Variants in PCDHGB1 observed in about 807,000 individuals in gnomAD.
The protein encoded by PCDHGB1 is protocadherin gamma-B1.
A neutral mutation model predicts 56.6 loss-of-function variants in PCDHGB1; 34 were observed. The ratio of observed to expected loss-of-function variants is 0.60; its 90% confidence interval spans 0.46 to 0.80. PCDHGB1 has a LOEUF of 0.80. PCDHGB1 is among the 30% of genes least tolerant of loss of function. The pLI is 0.00. For synonymous variants in PCDHGB1, 561 were observed against 505.9 expected (o/e 1.11, Z -1.46); for missense variants, 1,278 against 1,204.6 (o/e 1.06, Z -0.90).
intron 1 of PCDHGB1, among the ~76,000 whole-genome samples, chr5:141,462,030 T>C (rs1283795051): frequency 3.9e-5 from 6 of 152,122 alleles, no homozygotes; most frequent in Non-Finnish European, 8.8e-5. Flanking sequence ...TTCATGTTGG[T>C]CAGGCGGGTC....
At chr5:141,398,293 T>A in intron 1 of PCDHGB1, 1 of 1,383,344 alleles carries the variant, frequency 7.2e-7, no homozygotes, top group Non-Finnish European at 9.9e-7. Flanking sequence ...GGACCTGGGG[T>A]TCAGCGTCCA....
chr5:141,421,426 A>G, intron 1 of PCDHGB1: 2 of 1,614,104 alleles, frequency 1.2e-6, no homozygotes, highest in South Asian at 1.1e-5. Context: ...CGGAGTCCGC[A>G]TCGTCTCCAG....
rs1360494290 is a variant in PCDHGB1 at position 141,433,285 on chromosome 5, C to T, written c.2410-61522C>T. On this transcript the variant is annotated intron_variant, in intron 1 of 3. Coordinates refer to ENST00000523390, the MANE Select transcript of PCDHGB1 (RefSeq NM_018922.3). ...CATAGCTCACTGCAGCCTCAAACTCCTAGGCTCAAGCAATTATCCCACCTT... is the reference window on the plus strand; with the variant it reads ...CATAGCTCACTGCAGCCTCAAACTCTTAGGCTCAAGCAATTATCCCACCTT... The T allele has an allele frequency of 6.8e-6, 8 of 1,169,708 alleles. No individual in the cohort carries two copies. In the East Asian group the frequency reaches 1.7e-4, roughly 25 times the overall value. The allele number at this position is 1,169,708 out of a possible 1,614,324, so 72.5% of individuals were successfully genotyped here. A position where few individuals can be genotyped will look rare whatever the true frequency, so the allele number is the denominator to read the frequency against.
At chr5:141,373,938 A>G (rs553053363) in intron 1 of PCDHGB1, 2 of 705,416 alleles carry the variant, frequency 2.8e-6, no homozygotes, top group Admixed American at 3.6e-5. Context: ...AAAGCAGGAA[A>G]GCTGTGCAGA....
rs535002528 is a variant in PCDHGB1 at position 141,396,788 on chromosome 5, T to C, written c.2409+44119T>C. On this transcript the variant is annotated intron_variant, in intron 1 of 3. Transcript: ENST00000523390. ...GTTTGTTATTAATGAAAAGGACATT[T>C]CCTAAGGATTGTGTAGTGTTCTACT... Among the ~76,000 whole-genome samples, 53 of 152,322 alleles carry C rather than the reference T, an allele frequency of 3.5e-4. 2 individuals are homozygous for C. Among genetic ancestry groups the C allele is most frequent in the Admixed American group, 3.3e-3 (50 of 15,300 alleles).
At chr5:141,408,885 T>G in intron 1 of PCDHGB1, 1 of 1,613,020 alleles carries the variant, frequency 6.2e-7, no homozygotes, top group Middle Eastern at 1.6e-4. Context: ...ACCGCTCACA[T>G]AGAAATTTCT....
chr5:141,426,643 T>C (rs1280631056), intron 1 of PCDHGB1: 1 of 411,758 alleles, frequency 2.4e-6, no homozygotes, highest in Non-Finnish European at 5.0e-6. Flanking sequence ...CACATAAATG[T>C]GATGATAGAA....
At chr5:141,352,791 AC>A in intron 1 of PCDHGB1, 122 bp downstream of exon 1, 1 of 1,005,990 alleles carries the variant, frequency 9.9e-7, no homozygotes, top group Non-Finnish European at 1.4e-6. Context: ...GGAGTTTGAG[AC>A]CAGCATAGCC....
At chr5:141,509,216 T>C (rs2099875781) in intron 3 of PCDHGB1, among the ~76,000 whole-genome samples, 1 of 152,124 alleles carries the variant, frequency 6.6e-6, no homozygotes, top group South Asian at 2.1e-4. Flanking sequence ...TATTTCTCAA[T>C]CCCTGGTTGA....
chr5:141,385,588 A>G (rs1290476871), intron 1 of PCDHGB1: 11 of 1,258,860 alleles, frequency 8.7e-6, no homozygotes, highest in East Asian at 3.3e-5. Context: ...CTATGTTCCA[A>G]CCTACTTTCT....
chr5:141,393,730 G>C lies in PCDHGB1; in HGVS notation c.2409+41061G>C, dbSNP rs546435108. On this transcript the variant is annotated intron_variant, in intron 1 of 3. Transcript: ENST00000523390. The stretch of plus-strand genomic sequence containing the variant: ...ACTGGGGAAATATCAATAGCAAAAA[G>C]TCTAGATTATGAAGAATGTTCATTT... 3 of 1,613,844 alleles carry C rather than the reference G, an allele frequency of 1.9e-6. No individual in the cohort carries two copies. In the South Asian group the frequency reaches 3.3e-5, roughly 18 times the overall value.
intron 1 of PCDHGB1, among the ~76,000 whole-genome samples, chr5:141,425,694 A>G (rs1006103007): frequency 6.6e-6 from 1 of 152,240 alleles, no homozygotes; most frequent in Non-Finnish European, 1.5e-5. Context: ...ATATCATTTC[A>G]TAGTGGTCAA....
At chr5:141,462,584 A>C (rs959398950) in intron 1 of PCDHGB1, among the ~76,000 whole-genome samples, 1 of 152,124 alleles carries the variant, frequency 6.6e-6, no homozygotes, top group African/African-American at 2.4e-5. Context: ...CATCCAGTGA[A>C]GTTTCCATTT....
At chr5:141,358,595 C>T (rs1760962158) in intron 1 of PCDHGB1, among the ~76,000 whole-genome samples, 1 of 152,188 alleles carries the variant, frequency 6.6e-6, no homozygotes, top group Admixed American at 6.5e-5. Flanking sequence ...TGGTGCACTC[C>T]TGTGATTATG....
intron 1 of PCDHGB1, chr5:141,417,540 A>G (rs1301087527): frequency 2.0e-5 from 6 of 301,520 alleles, no homozygotes; most frequent in Non-Finnish European, 3.6e-5. Context: ...TTTAAAAAAA[A>G]TTCCTTGAAA....
chr5:141,476,091 G>A lies in PCDHGB1; in HGVS notation c.2410-18716G>A. The A allele has an allele frequency of 2.6e-6, 4 of 1,563,192 alleles. No individual in the cohort carries two copies. The highest frequency in any genetic ancestry group is 3.5e-6 in the Non-Finnish European group (4 of 1,159,278). On this transcript the variant is annotated intron_variant, in intron 1 of 3. Transcript: ENST00000523390. The surrounding 1 kb of genome is among the most constrained non-coding windows in gnomAD (Gnocchi z 7.6). ...AAATCTCAGGGACGATCTGGACCCCGCTGAGAGGAACTGCTTTTGAGTGAG... is the reference window on the plus strand; with the variant it reads ...AAATCTCAGGGACGATCTGGACCCCACTGAGAGGAACTGCTTTTGAGTGAG...
chr5:141,393,427 A>G (rs2092758301), intron 1 of PCDHGB1: 2 of 1,613,922 alleles, frequency 1.2e-6, no homozygotes, highest in Admixed American at 3.3e-5. Flanking sequence ...AGGGAGGAAG[A>G]GGCTGCTCAC....
intron 1 of PCDHGB1, among the ~76,000 whole-genome samples, chr5:141,438,396 A>T (rs1026490705): frequency 6.6e-6 from 1 of 150,930 alleles, no homozygotes. Context: ...TTCATCATTA[A>T]CTCTCTGAAG....
At chr5:141,499,244 CAA>C (rs1191956146) in intron 2 of PCDHGB1, among the ~76,000 whole-genome samples, 1 of 152,090 alleles carries the variant, frequency 6.6e-6, no homozygotes, top group Non-Finnish European at 1.5e-5. Flanking sequence ...AGCCTCTGCA[CAA>C]AGAGTCTCCA....
Sources: allele counts gnomAD v4.1 joint callset (sites outside exome capture counted in the v4.1 genomes callset), GRCh38; gene constraint gnomAD v4.1.1; non-coding constraint Gnocchi (gnomAD v3.1); transcripts MANE v1.5; gene names NCBI Gene and HGNC (gene_info 2026-07-23, HGNC 2026-07-21).